Variants in TMEM242 observed in about 807,000 individuals in gnomAD.
TMEM242 encodes UPF0463 transmembrane protein C6orf35.
Under a neutral mutation model 18.2 loss-of-function variants are expected in TMEM242, and 10 were observed. The ratio of observed to expected loss-of-function variants is 0.55; its 90% CI spans 0.34 to 0.93. The LOEUF is 0.93. Among genes scored for constraint, TMEM242 ranks in the 40% least tolerant of loss-of-function variants. TMEM242 has a pLI of 0.02. For missense variants in TMEM242, 186 were observed against 175.5 expected, an observed-to-expected ratio of 1.06 and a Z score of -0.34; for synonymous variants, 57 against 69.9, an observed-to-expected ratio of 0.81 and a Z score of 0.92.
chr6:157,305,147 A>C lies in TMEM242; in HGVS notation c.328-12148T>G, dbSNP rs1583559407. Among the ~76,000 whole-genome samples, 1 of 152,320 alleles carries C rather than the reference A, an allele frequency of 6.6e-6. No individual in the cohort carries two copies. The highest frequency in any genetic ancestry group is 3.4e-3 in the Middle Eastern group (1 of 294). ...TGGAGAAAAAATTCTAGAAGGAATA[A>C]GGAAGAGGCCGGGAAACTGGACAGG... On this transcript the variant is annotated intron_variant, in intron 3 of 3. Transcript: ENST00000400788. The surrounding 1 kb of genome is among the most constrained non-coding windows in gnomAD (Gnocchi z 4.1).
intron 3 of TMEM242, among the ~76,000 whole-genome samples, chr6:157,309,699 T>A (rs1777966322): frequency 6.6e-6 from 1 of 151,988 alleles, no homozygotes. Context: ...AACAAATACT[T>A]CTTATCCCAT....
At chr6:157,319,136 G>GA (rs1554250581) in intron 2 of TMEM242, among the ~76,000 whole-genome samples, 1 of 152,166 alleles carries the variant, frequency 6.6e-6, no homozygotes, top group Non-Finnish European at 1.5e-5. Context: ...AATTCTTCCA[G>GA]AAAAATCCTA....
At position 157,305,176 on chromosome 6, in the gene TMEM242, C is replaced by T. The variant is rs1777893163; in HGVS notation, c.328-12177G>A. On this transcript the variant is annotated intron_variant, in intron 3 of 3. Transcript: ENST00000400788. This position sits in a 1 kb window ranked among gnomAD's most constrained non-coding sequence, Gnocchi z 4.1. ...AGAGGCCGGGAAACTGGACAGGAAACTCTTAAAACACTAGGCAACAGAGGA... is the reference window on the plus strand; with the variant it reads ...AGAGGCCGGGAAACTGGACAGGAAATTCTTAAAACACTAGGCAACAGAGGA... 6.6e-6 allele frequency among the ~76,000 whole-genome samples: 1 copy of T among 152,092 alleles called. No individual in the cohort carries two copies. Among genetic ancestry groups the T allele is most frequent in the Admixed American group, 6.6e-5 (1 of 15,262 alleles).
Position 157,305,826 on chromosome 6 carries a change from G to A in TMEM242, c.328-12827C>T, listed in dbSNP as rs587732750. Among the ~76,000 whole-genome samples, 55 of 152,280 alleles carry A rather than the reference G, an allele frequency of 3.6e-4. No individual in the cohort carries two copies. The highest frequency in any genetic ancestry group is 1.2e-3 in the African/African-American group (50 of 41,568). ...ATAAAGTAAGATCTGGCAACAAGGA[G>A]GGCACTGGCAACCTTAATAGCAGTT... On this transcript the variant is annotated intron_variant, in intron 3 of 3. Coordinates refer to ENST00000400788, the MANE Select transcript of TMEM242 (RefSeq NM_018452.6). This position sits in a 1 kb window ranked among gnomAD's most constrained non-coding sequence, Gnocchi z 4.1.
At chr6:157,312,932 G>A (rs1554249526) in intron 3 of TMEM242, among the ~76,000 whole-genome samples, 6 of 151,466 alleles carry the variant, frequency 4.0e-5, no homozygotes, top group Admixed American at 1.3e-4. Flanking sequence ...TCATCATAGT[G>A]CCCCAGTGTG....
chr6:157,312,502 A>G (rs377553467), intron 3 of TMEM242, among the ~76,000 whole-genome samples: 1,945 of 8,978 alleles, frequency 0.22, 32 homozygotes, highest in East Asian at 0.31. Context: ...CCCAGTGTGC[A>G]CTCACCGAGC....
rs151241500 is a variant in TMEM242 at position 157,305,642 on chromosome 6, C to T, written c.328-12643G>A. Among the ~76,000 whole-genome samples the T allele has an allele frequency of 3.4e-3, 511 of 152,266 alleles. 6 individuals carry two copies. The highest frequency in any genetic ancestry group is 3.6e-3 in the Non-Finnish European group (247 of 68,026). ...GACAGAAGAGTTTAAGTAGGAGCTA[C>T]TGGACACTGATGTTAAGAGGCTGGC... On this transcript the variant is annotated intron_variant, in intron 3 of 3. Coordinates refer to ENST00000400788, the MANE Select transcript of TMEM242 (RefSeq NM_018452.6). The surrounding 1 kb of genome is among the most constrained non-coding windows in gnomAD (Gnocchi z 4.1).
At chr6:157,306,309 G>T (rs1004776978) in intron 3 of TMEM242, among the ~76,000 whole-genome samples, 1 of 152,214 alleles carries the variant, frequency 6.6e-6, no homozygotes. Flanking sequence ...GGAGAACAGA[G>T]ACAGCTGTCC....
intron 3 of TMEM242, among the ~76,000 whole-genome samples, chr6:157,312,520 TACCGCCCC>T: frequency 7.2e-6 from 1 of 139,778 alleles, no homozygotes; most frequent in Admixed American, 7.1e-5. Context: ...AGCCTCATCA[TACCGCCCC>T]AGTGTGCACT....
chr6:157,315,414 G>A (rs1425045207), intron 3 of TMEM242, among the ~76,000 whole-genome samples: 1 of 152,174 alleles, frequency 6.6e-6, no homozygotes, highest in African/African-American at 2.4e-5. Context: ...CCTTGAAAAG[G>A]TATCAGTGAG....
intron 2 of TMEM242, among the ~76,000 whole-genome samples, chr6:157,319,449 G>A (rs142950232): frequency 0.022 from 3,294 of 152,288 alleles, 58 homozygotes; most frequent in Non-Finnish European, 0.032. Context: ...TAACAAAAAT[G>A]TTGATCTATT....
chr6:157,309,596 G>A (rs1353292888), intron 3 of TMEM242, among the ~76,000 whole-genome samples: 2 of 152,038 alleles, frequency 1.3e-5, no homozygotes, highest in Non-Finnish European at 2.9e-5. Context: ...TCGCTATGTT[G>A]CCTAGGCTAA....
chr6:157,313,267 A>G (rs1554249678), intron 3 of TMEM242, among the ~76,000 whole-genome samples: 2 of 148,604 alleles, frequency 1.3e-5, no homozygotes, highest in African/African-American at 5.0e-5. Flanking sequence ...TGGCCTCATC[A>G]TAGTGTCCCA....
intron 3 of TMEM242, among the ~76,000 whole-genome samples, chr6:157,295,168 G>A (rs782179541): frequency 1.3e-5 from 2 of 152,128 alleles, no homozygotes; most frequent in African/African-American, 2.4e-5. Flanking sequence ...TGGAAGATAC[G>A]TAAGGTCTTC....
chr6:157,293,216 A>T (rs587639428), intron 3 of TMEM242, among the ~76,000 whole-genome samples: 2 of 152,318 alleles, frequency 1.3e-5, no homozygotes, highest in African/African-American at 4.8e-5. Flanking sequence ...ATTAATAAAT[A>T]ACATAAAACT....
intron 3 of TMEM242, 193 bp downstream of exon 3, chr6:157,318,589 C>A: frequency 5.3e-6 from 3 of 567,228 alleles, no homozygotes; most frequent in Non-Finnish European, 8.9e-6. Context: ...GAAGTTTTAC[C>A]ACCTTCAAAA....
At chr6:157,317,038 C>T (rs1167430940) in intron 3 of TMEM242, among the ~76,000 whole-genome samples, 33 of 152,200 alleles carry the variant, frequency 2.2e-4, no homozygotes, top group Admixed American at 2.2e-3. Context: ...GTTGTTCCTG[C>T]AACCCTGCCA....
At chr6:157,307,302 T>C (rs1302477998) in intron 3 of TMEM242, among the ~76,000 whole-genome samples, 1 of 152,188 alleles carries the variant, frequency 6.6e-6, no homozygotes, top group African/African-American at 2.4e-5. Context: ...ATCGAGGTGA[T>C]GAAGTCTGAT....
At chr6:157,313,775 CAT>C (rs1778303329) in intron 3 of TMEM242, among the ~76,000 whole-genome samples, 4 of 145,340 alleles carry the variant, frequency 2.8e-5, no homozygotes, top group Admixed American at 6.8e-5. Context: ...CTGGCCTAAT[CAT>C]AGTGTCCCAG....
Sources: gnomAD v4.1 joint callset for allele counts (sites outside exome capture counted in the v4.1 genomes callset) on GRCh38, gnomAD v4.1.1 for gene constraint, Gnocchi (gnomAD v3.1) non-coding constraint, MANE v1.5 for transcripts, NCBI Gene and HGNC (gene_info 2026-07-23, HGNC 2026-07-21) for gene names.